Variants in RASGEF1C observed in about 807,000 individuals in gnomAD.
The protein encoded by RASGEF1C is ras-GEF domain-containing family member 1C.
RASGEF1C carries 27 observed loss-of-function variants against 58.1 expected under a neutral mutation model. The observed-to-expected ratio is 0.46, with a 90% CI of 0.34 to 0.64. The LOEUF (loss-of-function observed/expected upper bound fraction) is 0.64, where lower values mean the gene tolerates loss of function less well. Among genes scored for constraint, RASGEF1C ranks in the 30% least tolerant of loss-of-function variants. The probability of loss-of-function intolerance (pLI) is 0.01; values close to 1 mark genes in which losing one functional copy is unlikely to be tolerated. For missense variants in RASGEF1C, 502 were observed against 605.1 expected, an observed-to-expected ratio of 0.83 and a Z score of 1.79; for synonymous variants, 243 against 246.3, an observed-to-expected ratio of 0.99 and a Z score of 0.13.
chr5:180,147,828 TA>T (rs1766682221), intron 1 of RASGEF1C, among the ~76,000 whole-genome samples: 1 of 152,216 alleles, frequency 6.6e-6, no homozygotes, highest in African/African-American at 2.4e-5. Context: ...TTGTGTTGTG[TA>T]AGTCTTTTAT....
At chr5:180,146,982 C>T (rs1240799088) in intron 1 of RASGEF1C, among the ~76,000 whole-genome samples, 4 of 151,988 alleles carry the variant, frequency 2.6e-5, no homozygotes, top group African/African-American at 9.7e-5. Context: ...CTAATTAAAC[C>T]TCATTATTAG....
chr5:180,133,630 T>C (rs1276441323), intron 4 of RASGEF1C, among the ~76,000 whole-genome samples: 1 of 152,220 alleles, frequency 6.6e-6, no homozygotes, highest in African/African-American at 2.4e-5. Context: ...AATGCCGAAA[T>C]ATTTTGGAAG....
intron 1 of RASGEF1C, among the ~76,000 whole-genome samples, chr5:180,139,709 C>T (rs775838240): frequency 3.3e-5 from 5 of 152,218 alleles, no homozygotes; most frequent in East Asian, 1.9e-4. Flanking sequence ...CAGGGGGAGG[C>T]GGCTGAGCAG....
chr5:180,165,988 A>T (rs186218826), intron 1 of RASGEF1C, among the ~76,000 whole-genome samples: 505 of 151,814 alleles, frequency 3.3e-3, no homozygotes, highest in African/African-American at 0.012. Context: ...TGACCTCGTG[A>T]TCTGCCCGCC....
intron 1 of RASGEF1C, among the ~76,000 whole-genome samples, chr5:180,208,248 T>A (rs1561762272): frequency 6.6e-6 from 1 of 151,904 alleles, no homozygotes; most frequent in Non-Finnish European, 1.5e-5. Flanking sequence ...CTCCCGGGGC[T>A]CAGAACTTCT....
At chr5:180,150,435 A>G (rs1456343739) in intron 1 of RASGEF1C, among the ~76,000 whole-genome samples, 1 of 151,914 alleles carries the variant, frequency 6.6e-6, no homozygotes, top group Non-Finnish European at 1.5e-5. Flanking sequence ...CTGTTTCTTT[A>G]TATGCCTTGT....
chr5:180,181,092 G>A (rs1441045256), intron 1 of RASGEF1C, among the ~76,000 whole-genome samples: 9 of 152,226 alleles, frequency 5.9e-5, no homozygotes, highest in African/African-American at 1.7e-4. Context: ...GGAACCCCAC[G>A]TGGCTGCGGA....
chr5:180,120,597 G>A (rs982236876), intron 7 of RASGEF1C, among the ~76,000 whole-genome samples: 6 of 152,232 alleles, frequency 3.9e-5, no homozygotes, highest in African/African-American at 1.2e-4. Flanking sequence ...GGACAAGCAC[G>A]TCTGGCTCCA....
Position 180,150,599 on chromosome 5 carries a change from G to A in RASGEF1C, c.-6-12541C>T, listed in dbSNP as rs142546765. ...AATCCTAGCACTTTGGGAGGCTGAG[G>A]TAGGCGGATCACCTGAGGTCAGGAG... On this transcript the variant is annotated intron_variant, in intron 1 of 13. Transcript: ENST00000361132. Among the ~76,000 whole-genome samples the A allele has an allele frequency of 3.9e-3, 591 of 149,878 alleles. 13 individuals carry two copies. Among genetic ancestry groups the A allele is most frequent in the Admixed American group, 0.029 (439 of 15,204 alleles).
At position 180,177,452 on chromosome 5, in the gene RASGEF1C, G is replaced by C. The variant is rs1380794597; in HGVS notation, c.-7+31576C>G. Among the ~76,000 whole-genome samples, 1 of 152,230 alleles carries C rather than the reference G, an allele frequency of 6.6e-6. No individual in the cohort carries two copies. Among genetic ancestry groups the C allele is most frequent in the East Asian group, 1.9e-4 (1 of 5,188 alleles). ...GCCCGGCTGGGCCGCAGCAGTCCACGGGCAGGGCAGAGCCCCGGGCTTCCT... is the reference window on the plus strand; with the variant it reads ...GCCCGGCTGGGCCGCAGCAGTCCACCGGCAGGGCAGAGCCCCGGGCTTCCT... On this transcript the variant is annotated intron_variant, in intron 1 of 13. Transcript: ENST00000361132. The surrounding 1 kb of genome is among the most constrained non-coding windows in gnomAD (Gnocchi z 5.0).
At chr5:180,102,412 G>A (rs917522713) in intron 12 of RASGEF1C, among the ~76,000 whole-genome samples, 1 of 152,208 alleles carries the variant, frequency 6.6e-6, no homozygotes, top group Non-Finnish European at 1.5e-5. Flanking sequence ...GCCCAAGAAT[G>A]CAATGGCTGG....
intron 1 of RASGEF1C, among the ~76,000 whole-genome samples, chr5:180,199,291 C>T (rs1435042832): frequency 1.3e-5 from 2 of 152,128 alleles, no homozygotes; most frequent in East Asian, 1.9e-4. Context: ...TCTACAGGAA[C>T]GACAAAAAGC....
intron 1 of RASGEF1C, among the ~76,000 whole-genome samples, chr5:180,192,813 C>T (rs1213019159): frequency 1.3e-4 from 20 of 151,194 alleles, no homozygotes; most frequent in African/African-American, 9.7e-5. Context: ...GTCGCAATCT[C>T]GGCTCACTGC....
intron 1 of RASGEF1C, among the ~76,000 whole-genome samples, chr5:180,140,977 T>C (rs1289625286): frequency 6.6e-6 from 1 of 152,142 alleles, no homozygotes; most frequent in Non-Finnish European, 1.5e-5. Flanking sequence ...TGCAGAGTGA[T>C]CAGAGCATCA....
intron 1 of RASGEF1C, among the ~76,000 whole-genome samples, chr5:180,141,653 T>C (rs1043171770): frequency 6.6e-6 from 1 of 152,006 alleles, no homozygotes; most frequent in African/African-American, 2.4e-5. Flanking sequence ...AGGTACTTAA[T>C]GTCACTGAAC....
chr5:180,206,740 T>C (rs1756495839), intron 1 of RASGEF1C, among the ~76,000 whole-genome samples: 1 of 152,198 alleles, frequency 6.6e-6, no homozygotes, highest in African/African-American at 2.4e-5. Flanking sequence ...CAGAACGAAA[T>C]ACTATGTGAG....
At chr5:180,116,251 T>A (rs1162900592) in intron 10 of RASGEF1C, among the ~76,000 whole-genome samples, 1 of 152,066 alleles carries the variant, frequency 6.6e-6, no homozygotes, top group Non-Finnish European at 1.5e-5. Context: ...GAAGTTTAAT[T>A]ACAGCCCCGG....
rs1351886577 is a variant in RASGEF1C, at chr5:180,137,952, A to G, written c.101T>C (p.Leu34Pro). ...TDGEQAGQPL[L>P]DGAPSSASLE... ...GGAGGCTGAGGATGGCGCTCCATCCAGGAGGGGCTGCCCAGCCTGTTCGCC... is the reference window on the plus strand; with the variant it reads ...GGAGGCTGAGGATGGCGCTCCATCCGGGAGGGGCTGCCCAGCCTGTTCGCC... Residue 34 changes from leucine to proline, a missense_variant, in exon 2 of 14, where the codon CTG becomes CCG. Physicochemically the swap from Leu to Pro is moderately conservative, Grantham distance 98 (BLOSUM62 -3). Coordinates refer to ENST00000361132, the MANE Select transcript of RASGEF1C (RefSeq NM_175062.4). The surrounding 1 kb of genome is among the most constrained non-coding windows in gnomAD (Gnocchi z 4.1). 6.2e-7 allele frequency: 1 copy of G among 1,611,672 alleles called. No homozygotes were observed. Among genetic ancestry groups the G allele is most frequent in the African/African-American group, 1.3e-5 (1 of 74,708 alleles).
chr5:180,159,036 T>C (rs1299053565), intron 1 of RASGEF1C, among the ~76,000 whole-genome samples: 4 of 151,542 alleles, frequency 2.6e-5, no homozygotes, highest in Non-Finnish European at 5.9e-5. Context: ...TATGAGGTCT[T>C]TTTTTTTGTC....
Sources: allele counts gnomAD v4.1 joint callset (sites outside exome capture counted in the v4.1 genomes callset), GRCh38; gene constraint gnomAD v4.1.1; non-coding constraint Gnocchi (gnomAD v3.1); transcripts MANE v1.5; gene names NCBI Gene and HGNC (gene_info 2026-07-23, HGNC 2026-07-21).